Variants in MAP4 observed in about 807,000 individuals in gnomAD.
MAP4 encodes microtubule associated protein 4.
In MAP4, 76 loss-of-function variants were observed where a neutral mutation model predicts 170.2. The ratio of observed to expected loss-of-function variants is 0.45; its 90% CI spans 0.37 to 0.54. The LOEUF is 0.54. Among genes scored for constraint, MAP4 ranks in the 20% least tolerant of loss-of-function variants. The pLI, the probability that MAP4 is intolerant of heterozygous loss-of-function variation, is 0.00. For synonymous variants in MAP4, 909 were observed against 994.5 expected (o/e 0.91, Z 1.62); for missense variants, 2,506 against 2,748.0 (o/e 0.91, Z 1.97).
chr3:47,978,443 G>A (rs528496717), intron 2 of MAP4, among the ~76,000 whole-genome samples: 38 of 152,032 alleles, frequency 2.5e-4, no homozygotes, highest in Middle Eastern at 3.4e-3. Context: ...TCAGCCTCCC[G>A]AGTAGTTGGG....
chr3:47,954,830 T>C (rs2100066707), intron 3 of MAP4, among the ~76,000 whole-genome samples: 1 of 152,158 alleles, frequency 6.6e-6, no homozygotes, highest in South Asian at 2.1e-4. Flanking sequence ...ACTTTGTTGT[T>C]ATCTCCTCAG....
At chr3:47,988,061 G>A (rs906787887) in intron 2 of MAP4, among the ~76,000 whole-genome samples, 1 of 152,084 alleles carries the variant, frequency 6.6e-6, no homozygotes, top group African/African-American at 2.4e-5. Flanking sequence ...GGGCGTGGCG[G>A]CACACGCCTG....
At chr3:48,031,805 C>A (rs190415579) in intron 1 of MAP4, among the ~76,000 whole-genome samples, 2 of 152,098 alleles carry the variant, frequency 1.3e-5, no homozygotes, top group Admixed American at 1.3e-4. Context: ...AAGCTTGAGT[C>A]GAGTCCAGGA....
chr3:47,994,244 C>T (rs1467004968), intron 2 of MAP4, among the ~76,000 whole-genome samples: 4 of 152,122 alleles, frequency 2.6e-5, no homozygotes, highest in Admixed American at 2.0e-4. Context: ...ATTTGGATTC[C>T]TTAATGGAAA....
intron 1 of MAP4, among the ~76,000 whole-genome samples, chr3:48,067,274 G>A (rs1338528470): frequency 6.6e-6 from 1 of 151,528 alleles, no homozygotes; most frequent in Admixed American, 6.6e-5. Context: ...TACAGTAGAG[G>A]GGAAAAAAAA....
At chr3:48,025,311 G>A (rs944197384) in intron 1 of MAP4, among the ~76,000 whole-genome samples, 4 of 61,354 alleles carry the variant, frequency 6.5e-5, no homozygotes, top group African/African-American at 2.6e-4. Flanking sequence ...TTTTTTTTTT[G>A]AGACAGAGTC....
At chr3:47,922,754 T>C (rs892033012) in intron 4 of MAP4, among the ~76,000 whole-genome samples, 1 of 152,030 alleles carries the variant, frequency 6.6e-6, no homozygotes, top group Non-Finnish European at 1.5e-5. Flanking sequence ...CTTTTGTACA[T>C]GAAAAAAAAG....
intron 1 of MAP4, among the ~76,000 whole-genome samples, chr3:48,039,956 GA>G (rs1317644331): frequency 6.6e-6 from 1 of 152,150 alleles, no homozygotes; most frequent in Non-Finnish European, 1.5e-5. Flanking sequence ...TTTGCACCAA[GA>G]AAACAGAAGA....
rs533121310 is a variant in MAP4 at position 47,855,649 on chromosome 3, G to A, written c.6584-289C>T. Among the ~76,000 whole-genome samples the A allele has an allele frequency of 2.8e-4, 43 of 152,280 alleles. No homozygotes were observed. Among genetic ancestry groups the A allele is most frequent in the African/African-American group, 1.0e-3 (43 of 41,566 alleles). ...TGCAGGCCAGGCTTGGGCAGGCCTG[G>A]GGCTCCGAGCACAGCCTCCAGGGCG... On this transcript the variant is annotated intron_variant, in intron 18 of 20. Coordinates refer to ENST00000683076, the MANE Select transcript of MAP4 (RefSeq NM_001385682.1). The surrounding 1 kb of genome is among the most constrained non-coding windows in gnomAD (Gnocchi z 5.1).
intron 3 of MAP4, among the ~76,000 whole-genome samples, chr3:47,929,474 TAA>T (rs2100048081): frequency 6.6e-6 from 1 of 151,962 alleles, no homozygotes; most frequent in Admixed American, 6.6e-5. Context: ...TCTACAAACA[TAA>T]TATAATTCAA....
chr3:47,884,673 CAT>C (rs926099382), intron 10 of MAP4, among the ~76,000 whole-genome samples: 1 of 152,064 alleles, frequency 6.6e-6, no homozygotes, highest in African/African-American at 2.4e-5. Context: ...ATGCTGGAAA[CAT>C]AGAATAGAGA....
chr3:47,963,985 C>T (rs1273214672), intron 3 of MAP4, among the ~76,000 whole-genome samples: 1 of 152,202 alleles, frequency 6.6e-6, no homozygotes, highest in Non-Finnish European at 1.5e-5. Flanking sequence ...ACTGCTAGTG[C>T]TCAGAGCTCA....
chr3:47,995,250 CT>C (rs67017707), intron 2 of MAP4, among the ~76,000 whole-genome samples: 56,543 of 111,716 alleles, frequency 0.51, 11,195 homozygotes, highest in Middle Eastern at 0.59. Flanking sequence ...TTTTTCTTTT[CT>C]TTTTTTTTTT....
At chr3:48,067,704 A>G (rs186216747) in intron 1 of MAP4, among the ~76,000 whole-genome samples, 2 of 150,572 alleles carry the variant, frequency 1.3e-5, no homozygotes, top group Non-Finnish European at 2.9e-5. Context: ...CGGTGGCACA[A>G]TCTCGGCTCA....
At chr3:48,014,628 C>T (rs1014371359) in intron 1 of MAP4, among the ~76,000 whole-genome samples, 1 of 151,778 alleles carries the variant, frequency 6.6e-6, no homozygotes, top group Non-Finnish European at 1.5e-5. Flanking sequence ...CACTGCACTC[C>T]GGCGTGGGCA....
At chr3:47,890,380 CA>C (rs2098345962) in intron 10 of MAP4, among the ~76,000 whole-genome samples, 1 of 152,112 alleles carries the variant, frequency 6.6e-6, no homozygotes, top group Admixed American at 6.5e-5. Flanking sequence ...AAAACACATA[CA>C]AAAAGAGAAA....
intron 2 of MAP4, among the ~76,000 whole-genome samples, chr3:47,982,990 C>G (rs376249003): frequency 4.6e-4 from 70 of 152,180 alleles, no homozygotes; most frequent in African/African-American, 1.7e-3. Context: ...CTCTGTCTCC[C>G]GGGTTCAAGC....
chr3:48,040,807 C>T (rs562438626), intron 1 of MAP4, among the ~76,000 whole-genome samples: 3 of 152,246 alleles, frequency 2.0e-5, no homozygotes, highest in East Asian at 1.9e-4. Flanking sequence ...ATGATCTGCC[C>T]GCCTCAGCCT....
chr3:47,995,622 C>A (rs541996246), intron 2 of MAP4, among the ~76,000 whole-genome samples: 1 of 152,044 alleles, frequency 6.6e-6, no homozygotes, highest in South Asian at 2.1e-4. Context: ...TCTGCCCCCC[C>A]TCCCCAACAC....
Sources: gnomAD v4.1 joint callset for allele counts (sites outside exome capture counted in the v4.1 genomes callset) on GRCh38, gnomAD v4.1.1 for gene constraint, Gnocchi (gnomAD v3.1) non-coding constraint, MANE v1.5 for transcripts, NCBI Gene and HGNC (gene_info 2026-07-23, HGNC 2026-07-21) for gene names.